Variants in PHC3 observed in about 807,000 individuals in gnomAD.
PHC3 encodes polyhomeotic-like protein 3.
In PHC3, 13 loss-of-function variants were observed where a neutral mutation model predicts 107.4. That is an observed-to-expected ratio of 0.12 (90% CI 0.08 to 0.19). PHC3 has a LOEUF of 0.19. Among genes scored for constraint, PHC3 ranks in the 10% least tolerant of loss-of-function variants. The pLI is 1.00. For missense variants in PHC3, 992 were observed against 1,210.9 expected (o/e 0.82, Z 2.68); for synonymous variants, 456 against 427.4 (o/e 1.07, Z -0.83).
intron 4 of PHC3, among the ~76,000 whole-genome samples, chr3:170,161,389 C>G (rs950258364): frequency 2.6e-5 from 4 of 152,160 alleles, no homozygotes; most frequent in African/African-American, 4.8e-5. Context: ...CACCAGGGAT[C>G]GGTTTCATGG....
At chr3:170,176,345 G>A (rs1730478044) in intron 2 of PHC3, among the ~76,000 whole-genome samples, 1 of 152,038 alleles carries the variant, frequency 6.6e-6, no homozygotes, top group Non-Finnish European at 1.5e-5. Context: ...GAACTGGCTG[G>A]TTCCACTCCA....
intron 11 of PHC3, among the ~76,000 whole-genome samples, chr3:170,110,562 T>C (rs1169810293): frequency 6.6e-6 from 1 of 152,184 alleles, no homozygotes; most frequent in Non-Finnish European, 1.5e-5. Context: ...TTCTAAATTC[T>C]GTCTATATAA....
Position 170,119,054 on chromosome 3 carries a change from AAG to A in PHC3, c.1943-1580_1943-1579del, listed in dbSNP as rs1332373377. ...AAAAAGCTAAAAAAAAAAAAAAAAAAAGAAAAAGAAAAGAAAAGAAAATCAGC... is the reference window on the plus strand; with the variant it reads ...AAAAAGCTAAAAAAAAAAAAAAAAAAAAAAAGAAAAGAAAAGAAAATCAGC... On this transcript the variant is annotated intron_variant, in intron 9 of 14. Transcript: ENST00000495893. Among the ~76,000 whole-genome samples the A allele has an allele frequency of 3.8e-3, 568 of 150,372 alleles. 2 individuals are homozygous for A. Among genetic ancestry groups the A allele is most frequent in the African/African-American group, 0.013 (536 of 40,564 alleles).
intron 4 of PHC3, among the ~76,000 whole-genome samples, chr3:170,159,531 A>G (rs1328603927): frequency 6.6e-6 from 1 of 152,200 alleles, no homozygotes; most frequent in Non-Finnish European, 1.5e-5. Context: ...TTCAACCAAG[A>G]GCTCCAGAAA....
rs780573857 is a variant in PHC3 at position 170,102,696 on chromosome 3, A to G, written c.2616T>C (p.Tyr872=). 24 of 1,613,822 alleles carry G rather than the reference A, an allele frequency of 1.5e-5. No individual in the cohort carries two copies. The highest frequency in any genetic ancestry group is 1.0e-4 in the Admixed American group (6 of 59,996). ...AAGCCAAGTCTTCTTCTGCAGATGG[A>G]TAAGTAATTGGAAGCTGGAAAATGT... ...EHILRQLPIT[Y]PSAEEDLASH... The change falls in exon 14 of 15, where the codon TAT becomes TAC. Residue 872 remains tyrosine, a synonymous_variant. Coordinates refer to ENST00000495893, the MANE Select transcript of PHC3 (RefSeq NM_024947.4).
intron 4 of PHC3, among the ~76,000 whole-genome samples, chr3:170,151,720 T>C (rs1349255545): frequency 1.3e-5 from 2 of 152,158 alleles, no homozygotes; most frequent in African/African-American, 2.4e-5. Flanking sequence ...GCAAAGAAGC[T>C]TGCATCTGCC....
At position 170,173,949 on chromosome 3, in the gene PHC3, T is replaced by C. The variant is rs566656017; in HGVS notation, c.181-1237A>G. On this transcript the variant is annotated intron_variant, in intron 2 of 14. Coordinates refer to ENST00000495893, the MANE Select transcript of PHC3 (RefSeq NM_024947.4). The stretch of plus-strand genomic sequence containing the variant: ...GGCTCATGCCTGTGATCCCACCACT[T>C]TGGGAGGCCAAGGCAGGCAGGTCAC... Among the ~76,000 whole-genome samples, 69 of 152,304 alleles carry C rather than the reference T, an allele frequency of 4.5e-4. No individual in the cohort carries two copies. In the South Asian group the frequency reaches 0.014, roughly 32 times the overall value.
intron 2 of PHC3, among the ~76,000 whole-genome samples, chr3:170,174,348 A>G (rs1405320288): frequency 1.3e-5 from 2 of 152,178 alleles, no homozygotes; most frequent in African/African-American, 2.4e-5. Flanking sequence ...TTCCTTAAAA[A>G]GTGTTAATTA....
In PHC3 at chr3:170,088,372, T is replaced by C. The variant is rs1560000261; in HGVS notation, c.*8858A>G. Reference sequence around the variant, plus strand: ...TTTGCTAAAATTAACAAAATTTTAATAAGCAAGACGACAAAAAGTACTAAT... The same window carrying C: ...TTTGCTAAAATTAACAAAATTTTAACAAGCAAGACGACAAAAAGTACTAAT... On this transcript the variant is annotated 3_prime_UTR_variant, in exon 15 of 15. Transcript: ENST00000495893. 3 of 152,180 alleles carry C rather than the reference T, an allele frequency of 2.0e-5. No individual in the cohort carries two copies. The highest frequency in any genetic ancestry group is 2.0e-4 in the Admixed American group (3 of 15,276). The allele number at this position is 152,180 out of a possible 1,614,324, so 9.4% of individuals were successfully genotyped here.
chr3:170,119,627 C>T (rs144426887), intron 9 of PHC3, among the ~76,000 whole-genome samples: 1 of 152,036 alleles, frequency 6.6e-6, no homozygotes, highest in East Asian at 1.9e-4. Flanking sequence ...GAGAGAAAAC[C>T]CAAGTTCTAA....
intron 2 of PHC3, 103 bp from the exon 3 acceptor site, chr3:170,172,815 T>A (rs1729819421): frequency 9.0e-7 from 1 of 1,105,616 alleles, no homozygotes. Flanking sequence ...TTCACTGCTT[T>A]AATACATAAT....
intron 9 of PHC3, among the ~76,000 whole-genome samples, chr3:170,119,125 G>T (rs571862476): frequency 1.3e-5 from 2 of 150,318 alleles, no homozygotes; most frequent in Non-Finnish European, 3.0e-5. Context: ...ATACACAATT[G>T]TACAAACATA....
intron 6 of PHC3, among the ~76,000 whole-genome samples, chr3:170,142,725 T>C (rs1030900607): frequency 3.9e-5 from 6 of 152,230 alleles, no homozygotes; most frequent in Non-Finnish European, 5.9e-5. Flanking sequence ...TCCAACTTAC[T>C]TTCTGATATT....
intron 4 of PHC3, among the ~76,000 whole-genome samples, chr3:170,153,345 TG>T (rs1476131637): frequency 6.6e-6 from 1 of 152,198 alleles, no homozygotes; most frequent in African/African-American, 2.4e-5. Context: ...TTTGAGACTT[TG>T]GGCCCATGTC....
At chr3:170,163,461 AGTGTGTGT>A (rs56986650) in intron 4 of PHC3, among the ~76,000 whole-genome samples, 1,934 of 146,148 alleles carry the variant, frequency 0.013, 14 homozygotes, top group East Asian at 0.02. Context: ...TTTAGTAAAG[AGTGTGTGT>A]GTGTGTGTGT....
At chr3:170,171,976 C>G (rs7647169) in intron 3 of PHC3, among the ~76,000 whole-genome samples, 2 of 152,006 alleles carry the variant, frequency 1.3e-5, no homozygotes, top group East Asian at 3.9e-4. Context: ...TAACAAAAAT[C>G]TTTTTTAAAA....
At chr3:170,139,758 C>T (rs1268820173) in intron 6 of PHC3, among the ~76,000 whole-genome samples, 1 of 152,170 alleles carries the variant, frequency 6.6e-6, no homozygotes, top group African/African-American at 2.4e-5. Flanking sequence ...GAACGCTACA[C>T]TGCCAAAGTA....
chr3:170,173,520 A>C (rs971368432), intron 2 of PHC3, among the ~76,000 whole-genome samples: 1 of 152,214 alleles, frequency 6.6e-6, no homozygotes, highest in Non-Finnish European at 1.5e-5. Flanking sequence ...GTGCTGTCCT[A>C]TACAGTAACA....
intron 8 of PHC3, among the ~76,000 whole-genome samples, chr3:170,127,355 C>T (rs989476188): frequency 6.6e-6 from 1 of 152,058 alleles, no homozygotes; most frequent in Non-Finnish European, 1.5e-5. Flanking sequence ...TCTGTGTAGA[C>T]AGGGTTTCAC....
Sources: allele counts gnomAD v4.1 joint callset (sites outside exome capture counted in the v4.1 genomes callset), GRCh38; gene constraint gnomAD v4.1.1; transcripts MANE v1.5; gene names NCBI Gene and HGNC (gene_info 2026-07-23, HGNC 2026-07-21).